Variants in KCND2 observed in about 807,000 individuals in gnomAD.
KCND2 encodes A-type voltage-gated potassium channel KCND2.
A neutral mutation model predicts 54.4 loss-of-function variants in KCND2; 16 were observed. The observed-to-expected ratio is 0.29, with a 90% CI of 0.20 to 0.45. KCND2 has a LOEUF of 0.45. Among genes scored for constraint, KCND2 ranks in the 20% least tolerant of loss-of-function variants. The pLI is 1.00. For synonymous variants in KCND2, 317 were observed against 310.7 expected (o/e 1.02, Z -0.21); for missense variants, 486 against 824.2 (o/e 0.59, Z 5.02).
intron 1 of KCND2, among the ~76,000 whole-genome samples, chr7:120,538,881 T>C (rs1387860077): frequency 6.6e-6 from 1 of 152,160 alleles, no homozygotes; most frequent in African/African-American, 2.4e-5. Context: ...GCTGGAGGAC[T>C]GCCCAGGCTC....
chr7:120,626,658 A>G (rs184643387), intron 1 of KCND2, among the ~76,000 whole-genome samples: 140 of 152,348 alleles, frequency 9.2e-4, no homozygotes, highest in Non-Finnish European at 8.8e-4. Context: ...TAAATGTTAC[A>G]GTAGTCTGCA....
intron 2 of KCND2, among the ~76,000 whole-genome samples, chr7:120,737,035 T>TACAC (rs768582158): frequency 0.036 from 3,588 of 98,722 alleles, 74 homozygotes; most frequent in Middle Eastern, 0.074. Context: ...CTGGAAAGCT[T>TACAC]ACACACACAC....
intron 2 of KCND2, among the ~76,000 whole-genome samples, chr7:120,733,892 A>G (rs1361825325): frequency 6.6e-6 from 1 of 152,174 alleles, no homozygotes. Flanking sequence ...CATATTATCA[A>G]TATTTAATGT....
intron 1 of KCND2, among the ~76,000 whole-genome samples, chr7:120,516,833 A>T (rs1190810272): frequency 1.3e-5 from 2 of 152,174 alleles, no homozygotes; most frequent in Non-Finnish European, 2.9e-5. Context: ...TAGAGGGAAC[A>T]TGTTTTAATG....
intron 1 of KCND2, among the ~76,000 whole-genome samples, chr7:120,489,812 T>G (rs1218535555): frequency 6.6e-6 from 1 of 152,122 alleles, no homozygotes; most frequent in Non-Finnish European, 1.5e-5. Context: ...TCTTGGAAAC[T>G]TGAAGAAATT....
At chr7:120,577,206 A>G (rs1374489861) in intron 1 of KCND2, among the ~76,000 whole-genome samples, 1 of 152,186 alleles carries the variant, frequency 6.6e-6, no homozygotes, top group African/African-American at 2.4e-5. Context: ...TTTAAGAAAA[A>G]GCTAAATGAA....
chr7:120,580,695 T>C (rs1792504173), intron 1 of KCND2, among the ~76,000 whole-genome samples: 1 of 152,358 alleles, frequency 6.6e-6, no homozygotes, highest in Non-Finnish European at 1.5e-5. Context: ...TGTAAGAAAC[T>C]ATTTTTTATG....
intron 1 of KCND2, among the ~76,000 whole-genome samples, chr7:120,278,631 A>G (rs1799215609): frequency 6.6e-6 from 1 of 151,762 alleles, no homozygotes; most frequent in Non-Finnish European, 1.5e-5. Context: ...TTTATGATCT[A>G]AAGAACTGAG....
At chr7:120,419,792 G>T (rs1801584141) in intron 1 of KCND2, among the ~76,000 whole-genome samples, 1 of 151,960 alleles carries the variant, frequency 6.6e-6, no homozygotes, top group South Asian at 2.1e-4. Context: ...AAAGCTAATG[G>T]TCACAACCTA....
At chr7:120,409,667 T>A (rs1490103437) in intron 1 of KCND2, among the ~76,000 whole-genome samples, 1 of 151,936 alleles carries the variant, frequency 6.6e-6, no homozygotes, top group Non-Finnish European at 1.5e-5. Context: ...CTTTTCATGT[T>A]TTTTGGCCAT....
At chr7:120,277,706 A>G (rs770540410) in intron 1 of KCND2, among the ~76,000 whole-genome samples, 2 of 152,044 alleles carry the variant, frequency 1.3e-5, no homozygotes, top group African/African-American at 2.4e-5. Flanking sequence ...ATGACTTTCC[A>G]ATTTTTATTT....
intron 1 of KCND2, among the ~76,000 whole-genome samples, chr7:120,575,955 G>A (rs1244668830): frequency 1.6e-3 from 5 of 3,202 alleles, no homozygotes; most frequent in Middle Eastern, 0.17. Context: ...TTTCACACTC[G>A]CAATTTTGCT....
chr7:120,635,183 G>T (rs1019461691), intron 1 of KCND2, among the ~76,000 whole-genome samples: 5 of 152,156 alleles, frequency 3.3e-5, no homozygotes, highest in Non-Finnish European at 7.3e-5. Context: ...CACAGCTCTA[G>T]CTCTGGTGCC....
At chr7:120,716,955 AGTTT>A (rs1040490391) in intron 1 of KCND2, among the ~76,000 whole-genome samples, 20 of 152,240 alleles carry the variant, frequency 1.3e-4, no homozygotes, top group African/African-American at 4.6e-4. Context: ...TCTATGATAA[AGTTT>A]AATTTATAAG....
At chr7:120,446,559 C>T (rs1584782368) in intron 1 of KCND2, among the ~76,000 whole-genome samples, 1 of 151,072 alleles carries the variant, frequency 6.6e-6, no homozygotes, top group Non-Finnish European at 1.5e-5. Flanking sequence ...CACACACACA[C>T]ACACATACAC....
At chr7:120,693,205 A>G (rs1052354895) in intron 1 of KCND2, among the ~76,000 whole-genome samples, 1 of 152,260 alleles carries the variant, frequency 6.6e-6, no homozygotes, top group East Asian at 1.9e-4. Flanking sequence ...TCTGAGTTCT[A>G]CTCTAGCATA....
At chr7:120,736,123 A>G (rs771256740) in intron 2 of KCND2, among the ~76,000 whole-genome samples, 5 of 152,072 alleles carry the variant, frequency 3.3e-5, no homozygotes, top group African/African-American at 7.2e-5. Context: ...GTTAGACCAT[A>G]TTTTTGGTGT....
intron 1 of KCND2, among the ~76,000 whole-genome samples, chr7:120,360,379 A>G (rs1029373605): frequency 1.3e-4 from 20 of 152,034 alleles, no homozygotes; most frequent in Non-Finnish European, 2.5e-4. Context: ...ATCAAAGCCT[A>G]TCTTTGATCT....
At chr7:120,285,819 A>G (rs1799333275) in intron 1 of KCND2, among the ~76,000 whole-genome samples, 1 of 151,974 alleles carries the variant, frequency 6.6e-6, no homozygotes, top group Admixed American at 6.6e-5. Context: ...TTACAAAGAA[A>G]AAGAATGTAG....
Sources: gnomAD v4.1 joint callset for allele counts (sites outside exome capture counted in the v4.1 genomes callset) on GRCh38, gnomAD v4.1.1 for gene constraint, MANE v1.5 for transcripts, NCBI Gene and HGNC (gene_info 2026-07-23, HGNC 2026-07-21) for gene names.